CRYBB1: variants seen among roughly 807,000 people sequenced by gnomAD.
CRYBB1 encodes beta-crystallin B1.
A neutral mutation model predicts 29.5 loss-of-function variants in CRYBB1; 16 were observed. That is an observed-to-expected ratio of 0.54 (90% CI 0.37 to 0.82). The LOEUF is 0.82. CRYBB1 is among the 40% of genes least tolerant of loss of function. The pLI is 0.00. For synonymous variants in CRYBB1, 127 were observed against 136.7 expected, an observed-to-expected ratio of 0.93 and a Z score of 0.49; for missense variants, 300 against 350.5, an observed-to-expected ratio of 0.86 and a Z score of 1.15.
Position 26,602,092 on chromosome 22 carries a change from T to G in CRYBB1, c.433-71A>C, listed in dbSNP as rs891518465. ...CAAAGAGAAGAAACTTAGCGGGGCC[T>G]TCTGGGTGTGGAGCGAGAGAGATGA... On this transcript the variant is annotated intron_variant, in intron 4 of 5. Coordinates refer to ENST00000647684, the MANE Select transcript of CRYBB1 (RefSeq NM_001887.4). 4.4e-6 allele frequency: 7 copies of G among 1,588,572 alleles called. No individual in the cohort carries two copies. In the East Asian group the frequency reaches 8.9e-5, roughly 20 times the overall value.
intron 2 of CRYBB1, 72 bp downstream of exon 2, chr22:26,616,068 G>T: frequency 8.5e-7 from 1 of 1,177,742 alleles, no homozygotes; most frequent in South Asian, 1.2e-5. Context: ...AAGAGGAGGA[G>T]GAGAAGAAGG....
intron 4 of CRYBB1, among the ~76,000 whole-genome samples, chr22:26,605,330 TGTTTGA>T (rs2145961480): frequency 6.6e-6 from 1 of 152,282 alleles, no homozygotes; most frequent in Non-Finnish European, 1.5e-5. Flanking sequence ...GGACCTAGTC[TGTTTGA>T]TGCACAGTTT....
intron 3 of CRYBB1, 40 bp downstream of exon 3, chr22:26,612,032 C>T: frequency 7.0e-7 from 1 of 1,437,514 alleles, no homozygotes. Context: ...GGTCATTTTA[C>T]TGTGGCAGAG....
chr22:26,599,492 A>G lies in CRYBB1; in HGVS notation c.757T>C (p.Ter253ArgextTer26), dbSNP rs1114167432. ...AGGTAGCAGAGTGAGGTGTGGACTC[A>G]CTTGGGGGGCTCTGTGGCCAGGACA... ...FPVLATEPPK[*>R] Residue 253 changes from the stop codon to arginine (R), a stop_lost, in exon 6 of 6, where the codon TGA becomes CGA. Coordinates refer to ENST00000647684, the MANE Select transcript of CRYBB1 (RefSeq NM_001887.4). The G allele has an allele frequency of 6.2e-7, 1 of 1,612,140 alleles. No individual in the cohort carries two copies. The highest frequency in any genetic ancestry group is 8.5e-7 in the Non-Finnish European group (1 of 1,179,500).
chr22:26,617,240 T>C (rs1354416854), intron 1 of CRYBB1, among the ~76,000 whole-genome samples: 1 of 152,178 alleles, frequency 6.6e-6, no homozygotes, highest in Non-Finnish European at 1.5e-5. Flanking sequence ...TTTGGGGTCG[T>C]GGACTCCTTT....
At chr22:26,600,853 A>T (rs1257060746) in intron 5 of CRYBB1, among the ~76,000 whole-genome samples, 1 of 151,772 alleles carries the variant, frequency 6.6e-6, no homozygotes, top group Admixed American at 6.6e-5. Flanking sequence ...AATCCTAGAA[A>T]CCTCTCCTCC....
At chr22:26,609,443 T>A (rs1315261618) in intron 3 of CRYBB1, among the ~76,000 whole-genome samples, 1 of 151,754 alleles carries the variant, frequency 6.6e-6, no homozygotes, top group Non-Finnish European at 1.5e-5. Context: ...AATAGATGGA[T>A]AGGTGGATGG....
In CRYBB1 at chr22:26,610,367, G is replaced by A. The variant is rs1313810322; in HGVS notation, c.299+1705C>T. 3.3e-5 allele frequency among the ~76,000 whole-genome samples: 5 copies of A among 152,190 alleles called. No individual in the cohort carries two copies. The East Asian group carries it at 9.7e-4, about 29-fold the overall frequency. ...TTCTTTTTTTCCCATGGCCCTGCCAGCGCCCACACAGACCCAGGCCCCCGG... is the reference window on the plus strand; with the variant it reads ...TTCTTTTTTTCCCATGGCCCTGCCAACGCCCACACAGACCCAGGCCCCCGG... On this transcript the variant is annotated intron_variant, in intron 3 of 5. Transcript: ENST00000647684.
At position 26,601,900 on chromosome 22, in the gene CRYBB1, C is replaced by T. The variant is rs374111990; in HGVS notation, c.554G>A (p.Ser185Asn). 3 of 1,612,190 alleles carry T rather than the reference C, an allele frequency of 1.9e-6. No individual in the cohort carries two copies. The highest frequency in any genetic ancestry group is 2.5e-6 in the Non-Finnish European group (3 of 1,179,872). ...TTACGTTCCACTGGAGACCTTCACG[C>T]TGCCCACGCGGTCACTGAAGCCGTA... ...WVYGFSDRVG[S>N]VKVSSGTWVG... Residue 185 changes from serine to asparagine, a missense_variant, in exon 5 of 6, where the codon AGC (serine) becomes AAC (asparagine). Transcript: ENST00000647684.
At chr22:26,608,064 T>A in intron 3 of CRYBB1, 43 bp from the exon 4 acceptor site, 1 of 1,613,684 alleles carries the variant, frequency 6.2e-7, no homozygotes, top group South Asian at 1.1e-5. Context: ...AGACATATGG[T>A]TAGTAGAAGC....
chr22:26,601,879 G>C lies in CRYBB1; in HGVS notation c.575C>G (p.Thr192Arg). The C allele has an allele frequency of 6.2e-7, 1 of 1,611,930 alleles. No individual in the cohort carries two copies. Among genetic ancestry groups the C allele is most frequent in the African/African-American group, 1.3e-5 (1 of 74,932 alleles). The change falls in exon 5 of 6, where the codon ACA (threonine) becomes AGA (arginine). Residue 192 changes from threonine (T) to arginine (R), a missense_variant and splice_region_variant. Coordinates refer to ENST00000647684, the MANE Select transcript of CRYBB1 (RefSeq NM_001887.4). Reference protein sequence around the residue: ...RVGSVKVSSGTWVGYQYPGYR... With the variant: ...RVGSVKVSSGRWVGYQYPGYR... Reference sequence around the variant, plus strand: ...CGGACCTGGCAGGAGGGATGCTTACGTTCCACTGGAGACCTTCACGCTGCC... The same window carrying C: ...CGGACCTGGCAGGAGGGATGCTTACCTTCCACTGGAGACCTTCACGCTGCC...
chr22:26,599,572 A>G lies in CRYBB1; in HGVS notation c.677T>C (p.Met226Thr), dbSNP rs1173081852. Residue 226 changes from methionine to threonine, a missense_variant, in exon 6 of 6, where the codon ATG (methionine) becomes ACG (threonine). Transcript: ENST00000647684. ...WNEWGAFQPQ[M>T]QSLRRLRDKQ... ...GTCACGCAGGCGACGCAGGGACTGC[A>G]TCTGTGGCTGGAAGGCTCCCCACTC... The G allele has an allele frequency of 6.2e-7, 1 of 1,614,204 alleles. No individual in the cohort carries two copies. Among genetic ancestry groups the G allele is most frequent in the Admixed American group, 1.7e-5 (1 of 60,024 alleles).
chr22:26,607,537 A>G (rs1929016547), intron 4 of CRYBB1, among the ~76,000 whole-genome samples: 1 of 145,594 alleles, frequency 6.9e-6, no homozygotes. Flanking sequence ...AGGCTGGGGG[A>G]CACAGCAAAA....
chr22:26,600,499 T>C (rs1371898077), intron 5 of CRYBB1, among the ~76,000 whole-genome samples: 1 of 152,228 alleles, frequency 6.6e-6, no homozygotes, highest in African/African-American at 2.4e-5. Flanking sequence ...GTTCAAATCC[T>C]AGCTCTGCCA....
chr22:26,602,140 C>A (rs1263459560), intron 4 of CRYBB1, 119 bp from the exon 5 acceptor site: 6 of 1,290,766 alleles, frequency 4.6e-6, no homozygotes, highest in African/African-American at 1.5e-5. Context: ...TGCTGGGGGA[C>A]TCTCCAGGGA....
intron 3 of CRYBB1, among the ~76,000 whole-genome samples, chr22:26,610,971 T>C (rs1325686649): frequency 6.6e-6 from 1 of 152,136 alleles, no homozygotes; most frequent in East Asian, 1.9e-4. Context: ...GCAAACGAGC[T>C]GCGTGGATCT....
intron 5 of CRYBB1, among the ~76,000 whole-genome samples, chr22:26,601,579 G>A (rs543287751): frequency 3.1e-4 from 47 of 151,240 alleles, no homozygotes; most frequent in Non-Finnish European, 4.4e-4. Flanking sequence ...CCACATCAGC[G>A]CCGGCCCTTT....
intron 3 of CRYBB1, 84 bp from the exon 4 acceptor site, chr22:26,608,105 C>G: frequency 6.2e-7 from 1 of 1,606,048 alleles, no homozygotes; most frequent in Non-Finnish European, 8.5e-7. Flanking sequence ...TCTCTCTCCC[C>G]TGGCAAGGCA....
At chr22:26,616,893 A>C (rs1602333516) in intron 1 of CRYBB1, among the ~76,000 whole-genome samples, 1 of 152,338 alleles carries the variant, frequency 6.6e-6, no homozygotes, top group East Asian at 1.9e-4. Context: ...AACTCAAGGA[A>C]ATGGAGCCAG....
Sources: allele counts gnomAD v4.1 joint callset (sites outside exome capture counted in the v4.1 genomes callset), GRCh38; gene constraint gnomAD v4.1.1; transcripts MANE v1.5; gene names NCBI Gene and HGNC (gene_info 2026-07-23, HGNC 2026-07-21).